The following PIK3R3 variants were observed in gnomAD, a reference collection of about 807,000 sequenced individuals.
PIK3R3 encodes phosphoinositide-3-kinase regulatory subunit 3, also known as phosphatidylinositol 3-kinase regulatory subunit gamma.
Under a neutral mutation model 62.9 loss-of-function variants are expected in PIK3R3, and 64 were observed. That is an observed-to-expected ratio of 1.02 (90% CI 0.83 to 1.25). The LOEUF (loss-of-function observed/expected upper bound fraction) is 1.25. Ranked by LOEUF, PIK3R3 falls within the 50% of genes most tolerant of loss-of-function variation. The probability of loss-of-function intolerance (pLI) is 0.00; values close to 1 mark genes in which losing one functional copy is unlikely to be tolerated. For missense variants in PIK3R3, 614 were observed against 561.6 expected, an observed-to-expected ratio of 1.09 and a Z score of -0.94; for synonymous variants, 165 against 189.0, an observed-to-expected ratio of 0.87 and a Z score of 1.04.
chr1:46,169,543 T>C, the PIK3R3 span, among the ~76,000 whole-genome samples: 1 of 152,184 alleles, frequency 6.6e-6, no homozygotes, highest in East Asian at 1.9e-4. Context: ...AAACACAATT[T>C]TAGACTTCAA....
At chr1:46,110,575 T>C (rs367829322) in intron 1 of PIK3R3, among the ~76,000 whole-genome samples, 1 of 152,144 alleles carries the variant, frequency 6.6e-6, no homozygotes, top group Non-Finnish European at 1.5e-5. Flanking sequence ...ATCTAAAGTT[T>C]AGTGATTATA....
At chr1:46,146,087 C>T in the PIK3R3 span, among the ~76,000 whole-genome samples, 2 of 152,288 alleles carry the variant, frequency 1.3e-5, no homozygotes, top group Non-Finnish European at 2.9e-5. Flanking sequence ...TCATGTCTAA[C>T]GGGGCTGCTT....
At position 46,080,757 on chromosome 1, in the gene PIK3R3, G is replaced by T. The variant is rs1190677916; in HGVS notation, c.107-7C>A. On this transcript the variant is annotated splice_region_variant and splice_polypyrimidine_tract_variant and intron_variant, in intron 1 of 9. Transcript: ENST00000262741. The stretch of plus-strand genomic sequence containing the variant: ...GGTGGCTTTGGTGGAAGAGCTAGAA[G>T]AGAAATGAATATTACTCTGTAGATG... 6.3e-7 allele frequency: 1 copy of T among 1,579,570 alleles called. No homozygotes were observed.
chr1:46,055,106 CTT>C (rs754326024), intron 7 of PIK3R3, among the ~76,000 whole-genome samples: 10 of 125,422 alleles, frequency 8.0e-5, no homozygotes, highest in Non-Finnish European at 1.0e-4. Context: ...GTTTCACCAT[CTT>C]TTTTTTTTTT....
the PIK3R3 span, among the ~76,000 whole-genome samples, chr1:46,151,233 G>C: frequency 6.6e-5 from 10 of 152,170 alleles, no homozygotes; most frequent in Admixed American, 3.3e-4. Context: ...AAGTCCTATA[G>C]GAAACTCAAG....
intron 1 of PIK3R3, among the ~76,000 whole-genome samples, chr1:46,096,195 T>A (rs1412473617): frequency 6.6e-6 from 1 of 152,242 alleles, no homozygotes; most frequent in East Asian, 1.9e-4. Context: ...CTTAGCATTG[T>A]TCACAAACAC....
intron 1 of PIK3R3, chr1:46,105,167 G>A (rs1653078862): frequency 1.6e-6 from 1 of 629,614 alleles, no homozygotes; most frequent in South Asian, 1.8e-5. Flanking sequence ...GGAATGGAGA[G>A]ATCAGTAATC....
At chr1:46,105,142 G>A in intron 1 of PIK3R3, 1 of 688,478 alleles carries the variant, frequency 1.5e-6, no homozygotes, top group Non-Finnish European at 2.7e-6. Flanking sequence ...CCCCTGATGG[G>A]AGAGTCACTC....
At chr1:46,111,169 T>C (rs1653711412) in intron 1 of PIK3R3, among the ~76,000 whole-genome samples, 1 of 152,186 alleles carries the variant, frequency 6.6e-6, no homozygotes, top group Non-Finnish European at 1.5e-5. Flanking sequence ...TTTCATTACA[T>C]ATATATGTGA....
At chr1:46,120,563 C>T (rs1484963942) in intron 1 of PIK3R3, among the ~76,000 whole-genome samples, 2 of 152,024 alleles carry the variant, frequency 1.3e-5, no homozygotes, top group Non-Finnish European at 2.9e-5. Flanking sequence ...CAGAGGGAGC[C>T]TCCGTCTCAA....
At chr1:46,101,863 A>T (rs785517) in intron 1 of PIK3R3, among the ~76,000 whole-genome samples, 108,724 of 152,046 alleles carry the variant, frequency 0.72, 39,008 homozygotes, top group African/African-American at 0.75. Context: ...ACACTGTAAA[A>T]GTAATTAATG....
At chr1:46,171,117 G>T in the PIK3R3 span, among the ~76,000 whole-genome samples, 2 of 152,148 alleles carry the variant, frequency 1.3e-5, no homozygotes, top group African/African-American at 4.8e-5. Flanking sequence ...GCAAGTCTCA[G>T]CTCCAGGCTC....
the PIK3R3 span, among the ~76,000 whole-genome samples, chr1:46,144,628 C>T: frequency 1.3e-5 from 2 of 152,046 alleles, no homozygotes; most frequent in Admixed American, 1.3e-4. Flanking sequence ...GTTAACTGGG[C>T]ATGGTGGCAC....
At chr1:46,072,050 C>T (rs1649588936) in intron 3 of PIK3R3, among the ~76,000 whole-genome samples, 1 of 152,112 alleles carries the variant, frequency 6.6e-6, no homozygotes, top group African/African-American at 2.4e-5. Context: ...ATGTCCAAAC[C>T]TATCCCCTTC....
intron 1 of PIK3R3, among the ~76,000 whole-genome samples, chr1:46,086,592 C>T (rs949160061): frequency 1.3e-5 from 2 of 152,050 alleles, no homozygotes; most frequent in African/African-American, 2.4e-5. Context: ...CCCAGCTACT[C>T]GGAAGGCTGA....
At chr1:46,073,326 G>C (rs1032944994) in intron 3 of PIK3R3, among the ~76,000 whole-genome samples, 1 of 152,144 alleles carries the variant, frequency 6.6e-6, no homozygotes, top group Admixed American at 6.5e-5. Context: ...TTGAGTGACT[G>C]CAGTTTCCAT....
chr1:46,128,031 A>G (rs1350179573), intron 1 of PIK3R3, among the ~76,000 whole-genome samples: 1 of 152,210 alleles, frequency 6.6e-6, no homozygotes, highest in African/African-American at 2.4e-5. Flanking sequence ...GATGCACAAC[A>G]ATGTTAGTTA....
rs890443878 is a variant in PIK3R3 at position 46,110,873 on chromosome 1, T to TG, written c.106+20973_106+20974insC. ...AGCCTGGGAACAGAAAAAGTTGGTTTTTTTTTTTTAATTTTCCCATAGAAA... is the reference window on the plus strand; with the variant it reads ...AGCCTGGGAACAGAAAAAGTTGGTTTGTTTTTTTTTAATTTTCCCATAGAAA... On this transcript the variant is annotated intron_variant, in intron 1 of 9. Coordinates refer to ENST00000262741, the MANE Select transcript of PIK3R3 (RefSeq NM_003629.4). Among the ~76,000 whole-genome samples, 11 of 151,088 alleles carry TG rather than the reference T, an allele frequency of 7.3e-5. No homozygotes were observed. In the East Asian group the frequency reaches 7.8e-4, roughly 11 times the overall value.
intron 1 of PIK3R3, among the ~76,000 whole-genome samples, chr1:46,119,329 A>C (rs145180564): frequency 3.9e-5 from 6 of 152,360 alleles, no homozygotes; most frequent in African/African-American, 1.4e-4. Context: ...TGTTCTAGGT[A>C]CCACACTAAG....
Sources: gnomAD v4.1 joint callset for allele counts (sites outside exome capture counted in the v4.1 genomes callset) on GRCh38, gnomAD v4.1.1 for gene constraint, MANE v1.5 for transcripts, NCBI Gene and HGNC (gene_info 2026-07-23, HGNC 2026-07-21) for gene names.